Variants in KCND2 observed in about 807,000 individuals in gnomAD.
The protein encoded by KCND2 is A-type voltage-gated potassium channel KCND2.
KCND2 carries 16 observed loss-of-function variants against 54.4 expected under a neutral mutation model. The observed-to-expected ratio is 0.29, with a 90% CI of 0.20 to 0.45. KCND2 has a LOEUF of 0.45. Ranked by LOEUF, KCND2 falls within the 20% of genes least tolerant of loss-of-function variation. The pLI is 1.00. For missense variants in KCND2, 486 were observed against 824.2 expected, an observed-to-expected ratio of 0.59 and a Z score of 5.02; for synonymous variants, 317 against 310.7, an observed-to-expected ratio of 1.02 and a Z score of -0.21.
intron 1 of KCND2, among the ~76,000 whole-genome samples, chr7:120,404,141 T>G (rs972416685): frequency 1.3e-5 from 2 of 152,204 alleles, no homozygotes; most frequent in Non-Finnish European, 2.9e-5. Context: ...CTGACAAGTT[T>G]ACTGACAGGG....
intron 3 of KCND2, chr7:120,742,296 G>T: frequency 1.9e-6 from 1 of 540,002 alleles, no homozygotes. Flanking sequence ...TTCAATTCAA[G>T]GAGGCATGTC....
intron 1 of KCND2, among the ~76,000 whole-genome samples, chr7:120,323,593 C>T (rs1238837162): frequency 6.7e-6 from 1 of 149,500 alleles, no homozygotes; most frequent in East Asian, 2.0e-4. Flanking sequence ...ATGATGATTT[C>T]CAATTTCATC....
chr7:120,583,041 G>T (rs1351278667), intron 1 of KCND2, among the ~76,000 whole-genome samples: 1 of 151,932 alleles, frequency 6.6e-6, no homozygotes, highest in Admixed American at 6.6e-5. Flanking sequence ...AGGACAGAAA[G>T]TATATTGTAC....
At position 120,413,538 on chromosome 7, in the gene KCND2, T is replaced by C. The variant is rs186512144; in HGVS notation, c.1115+137791T>C. Reference sequence around the variant, plus strand: ...ATACTTATGTATACACATACATAAATCTAGAGAAAGAATAATCTCAAACTT... The same window carrying C: ...ATACTTATGTATACACATACATAAACCTAGAGAAAGAATAATCTCAAACTT... On this transcript the variant is annotated intron_variant, in intron 1 of 5. Coordinates refer to ENST00000331113, the MANE Select transcript of KCND2 (RefSeq NM_012281.3). 5.6e-3 allele frequency among the ~76,000 whole-genome samples: 858 copies of C among 152,148 alleles called. 7 individuals are homozygous for C. The highest frequency in any genetic ancestry group is 9.6e-3 in the Non-Finnish European group (650 of 67,922).
At chr7:120,642,754 T>C (rs990506117) in intron 1 of KCND2, among the ~76,000 whole-genome samples, 4 of 152,156 alleles carry the variant, frequency 2.6e-5, no homozygotes, top group Non-Finnish European at 4.4e-5. Flanking sequence ...TTCACAAACA[T>C]TATCTCATTT....
chr7:120,437,770 T>C (rs967412503), intron 1 of KCND2, among the ~76,000 whole-genome samples: 3 of 152,226 alleles, frequency 2.0e-5, no homozygotes, highest in Admixed American at 1.3e-4. Context: ...CTTGTTCTTG[T>C]AGTAACCATT....
At chr7:120,745,338 A>G (rs1164803815) in intron 4 of KCND2, among the ~76,000 whole-genome samples, 1 of 152,182 alleles carries the variant, frequency 6.6e-6, no homozygotes, top group Non-Finnish European at 1.5e-5. Context: ...AATATATAAC[A>G]GACAATCTAA....
intron 1 of KCND2, among the ~76,000 whole-genome samples, chr7:120,327,563 T>C (rs1203287019): frequency 6.6e-6 from 1 of 152,094 alleles, no homozygotes; most frequent in African/African-American, 2.4e-5. Context: ...AAGAAATTTA[T>C]GAATTAATAA....
In KCND2 at chr7:120,428,862, A is replaced by T. The variant is rs533292915; in HGVS notation, c.1115+153115A>T. 4.2e-3 allele frequency among the ~76,000 whole-genome samples: 635 copies of T among 152,336 alleles called. 7 individuals are homozygous for T. Among genetic ancestry groups the T allele is most frequent in the African/African-American group, 0.015 (610 of 41,580 alleles). ...TTAATTCTGGGCTGTGATAAAATACATAAATACCCCTTAAATATGCCTTAA... is the reference window on the plus strand; with the variant it reads ...TTAATTCTGGGCTGTGATAAAATACTTAAATACCCCTTAAATATGCCTTAA... On this transcript the variant is annotated intron_variant, in intron 1 of 5. Coordinates refer to ENST00000331113, the MANE Select transcript of KCND2 (RefSeq NM_012281.3).
intron 1 of KCND2, among the ~76,000 whole-genome samples, chr7:120,389,727 T>C (rs1235269263): frequency 6.6e-6 from 1 of 151,966 alleles, no homozygotes; most frequent in Non-Finnish European, 1.5e-5. Context: ...ATTTTAGTTA[T>C]TTTAGGTTTG....
intron 1 of KCND2, among the ~76,000 whole-genome samples, chr7:120,717,748 A>C (rs193010645): frequency 6.6e-6 from 1 of 152,128 alleles, no homozygotes; most frequent in East Asian, 1.9e-4. Flanking sequence ...ACTTCTTTTT[A>C]TTCCTCTAGA....
chr7:120,555,172 C>T (rs1357262567), intron 1 of KCND2, among the ~76,000 whole-genome samples: 3 of 152,204 alleles, frequency 2.0e-5, no homozygotes, highest in Non-Finnish European at 2.9e-5. Context: ...CCCCTAGTGG[C>T]TTGTTATGCC....
chr7:120,428,447 G>A (rs1801744566), intron 1 of KCND2, among the ~76,000 whole-genome samples: 1 of 152,204 alleles, frequency 6.6e-6, no homozygotes, highest in South Asian at 2.1e-4. Flanking sequence ...GGAGAAACAA[G>A]TGAAGAATGT....
intron 1 of KCND2, 145 bp downstream of exon 1, chr7:120,275,892 C>A: frequency 2.3e-6 from 2 of 875,720 alleles, no homozygotes; most frequent in South Asian, 1.7e-5. Context: ...TTTGGCAAAA[C>A]TCTTTTCATC....
chr7:120,540,323 C>T (rs1791964085), intron 1 of KCND2, among the ~76,000 whole-genome samples: 1 of 152,286 alleles, frequency 6.6e-6, no homozygotes, highest in East Asian at 1.9e-4. Flanking sequence ...ACTCTCTCCA[C>T]GATTTTCCCT....
intron 1 of KCND2, among the ~76,000 whole-genome samples, chr7:120,387,744 A>C (rs1388530535): frequency 1.3e-5 from 2 of 152,060 alleles, no homozygotes; most frequent in Non-Finnish European, 2.9e-5. Context: ...TAAGTGGTGA[A>C]ATTTTGTTTC....
At position 120,638,397 on chromosome 7, in the gene KCND2, C is replaced by A. The variant is rs552604499; in HGVS notation, c.1116-94506C>A. Reference sequence around the variant, plus strand: ...TTTAAAACAAACTGCAAATGCACTTCTAAGGATGTGGCAAATTCCATAATA... The same window carrying A: ...TTTAAAACAAACTGCAAATGCACTTATAAGGATGTGGCAAATTCCATAATA... On this transcript the variant is annotated intron_variant, in intron 1 of 5. Coordinates refer to ENST00000331113, the MANE Select transcript of KCND2 (RefSeq NM_012281.3). Among the ~76,000 whole-genome samples the A allele has an allele frequency of 6.6e-5, 10 of 152,212 alleles. No homozygotes were observed. The South Asian group carries it at 2.1e-3, about 32-fold the overall frequency.
intron 1 of KCND2, among the ~76,000 whole-genome samples, chr7:120,544,615 A>G (rs1792020841): frequency 6.6e-6 from 1 of 151,954 alleles, no homozygotes; most frequent in African/African-American, 2.4e-5. Context: ...CAATTGGTTG[A>G]TTCTTAAAAA....
intron 1 of KCND2, among the ~76,000 whole-genome samples, chr7:120,646,919 A>G (rs942762703): frequency 6.6e-6 from 1 of 152,214 alleles, no homozygotes; most frequent in Non-Finnish European, 1.5e-5. Flanking sequence ...ATGGAAAGAC[A>G]ACTCAAAGAG....
Sources: gnomAD v4.1 joint callset for allele counts (sites outside exome capture counted in the v4.1 genomes callset) on GRCh38, gnomAD v4.1.1 for gene constraint, MANE v1.5 for transcripts, NCBI Gene and HGNC (gene_info 2026-07-23, HGNC 2026-07-21) for gene names.